MICAL2: variants seen among roughly 807,000 people sequenced by gnomAD.
The protein encoded by MICAL2 is [F-actin]-monooxygenase MICAL2.
MICAL2 carries 77 observed loss-of-function variants against 127.3 expected under a neutral mutation model. The observed-to-expected ratio is 0.60, with a 90% confidence interval of 0.50 to 0.73. The LOEUF is 0.73. MICAL2 is among the 30% of genes least tolerant of loss of function. MICAL2 has a pLI of 0.00. For missense variants in MICAL2, 1,351 were observed against 1,434.4 expected (o/e 0.94, Z 0.94); for synonymous variants, 570 against 551.1 (o/e 1.03, Z -0.48).
intron 33 of MICAL2, among the ~76,000 whole-genome samples, chr11:12,354,510 C>A (rs1168007054): frequency 6.6e-6 from 1 of 150,602 alleles, no homozygotes; most frequent in African/African-American, 2.4e-5. Flanking sequence ...TGGTGGTGCA[C>A]GCCTGTAATC....
chr11:12,269,767 G>A (rs1490069710), intron 24 of MICAL2, among the ~76,000 whole-genome samples: 2 of 152,204 alleles, frequency 1.3e-5, no homozygotes, highest in Non-Finnish European at 2.9e-5. Context: ...TACTGCTAGG[G>A]CCAGCCAGGG....
downstream of MICAL2, among the ~76,000 whole-genome samples, chr11:12,289,940 T>C (rs1187434260): frequency 6.6e-6 from 1 of 152,168 alleles, no homozygotes; most frequent in African/African-American, 2.4e-5. Flanking sequence ...CAGCCCACTT[T>C]TTGGATGAGG....
At chr11:12,261,411 T>A (rs1030597396) in intron 26 of MICAL2, 1 of 985,356 alleles carries the variant, frequency 1.0e-6, no homozygotes, top group African/African-American at 1.7e-5. Context: ...AGCATGCAGG[T>A]CCACCTGTGT....
At chr11:12,205,710 C>A (rs1854593770) in intron 4 of MICAL2, among the ~76,000 whole-genome samples, 1 of 152,182 alleles carries the variant, frequency 6.6e-6, no homozygotes, top group Non-Finnish European at 1.5e-5. Context: ...TTTCTGTCTC[C>A]TAGAATTGCT....
chr11:12,305,659 T>G (rs891339666), intron 29 of MICAL2, among the ~76,000 whole-genome samples: 7 of 152,238 alleles, frequency 4.6e-5, no homozygotes, highest in Non-Finnish European at 4.4e-5. Context: ...TGTAGTGTAC[T>G]CACCTATTTT....
chr11:12,230,040 G>T (rs556137480), intron 15 of MICAL2, among the ~76,000 whole-genome samples: 1 of 152,150 alleles, frequency 6.6e-6, no homozygotes, highest in Non-Finnish European at 1.5e-5. Context: ...AGGTTGTTTC[G>T]TAAGGCTACT....
intron 2 of MICAL2, among the ~76,000 whole-genome samples, chr11:12,149,840 G>A (rs1400306898): frequency 1.3e-5 from 2 of 152,196 alleles, no homozygotes; most frequent in African/African-American, 4.8e-5. Flanking sequence ...AGCCTGGGGA[G>A]TCATGAGGAC....
At chr11:12,111,046 A>G (rs1849565365) in intron 1 of MICAL2, among the ~76,000 whole-genome samples, 1 of 152,180 alleles carries the variant, frequency 6.6e-6, no homozygotes, top group African/African-American at 2.4e-5. Context: ...CGCAAGCGCC[A>G]AAACGGGGTG....
intron 3 of MICAL2, among the ~76,000 whole-genome samples, chr11:12,178,863 A>T (rs6485549): frequency 0.84 from 128,242 of 151,866 alleles, 54,715 homozygotes; most frequent in Non-Finnish European, 0.92. Flanking sequence ...CTGGGACTCC[A>T]GGCCCATCTC....
At chr11:12,138,824 C>T (rs147071792) in intron 2 of MICAL2, among the ~76,000 whole-genome samples, 142 of 152,296 alleles carry the variant, frequency 9.3e-4, no homozygotes, top group Middle Eastern at 3.4e-3. Flanking sequence ...GGAGTCTCAT[C>T]CCTGAGGTTT....
intron 22 of MICAL2, chr11:12,254,911 C>CTTTTTTTTTTTTTTTTTTTTTTTTTAT (rs56183672): frequency 1.6e-5 from 1 of 63,134 alleles, no homozygotes; most frequent in Non-Finnish European, 3.1e-5. Context: ...ACCACCTTAA[C>CTTTTTTTTTTTTTTTTTTTTTTTTTAT]TTTTTTTTTT....
At chr11:12,319,749 T>C in exon 30 of MICAL2, 1 of 1,614,174 alleles carries the variant, frequency 6.2e-7, no homozygotes, top group Non-Finnish European at 8.5e-7. Context: ...CTCTTCTGCC[T>C]CTTCAACCTC....
chr11:12,320,985 C>A (rs2134841043), intron 30 of MICAL2, among the ~76,000 whole-genome samples: 2 of 152,244 alleles, frequency 1.3e-5, no homozygotes, highest in South Asian at 2.1e-4. Context: ...CCCTCTCATC[C>A]CCTTGAATGA....
chr11:12,160,804 G>A (rs776203944), intron 2 of MICAL2, among the ~76,000 whole-genome samples: 7 of 152,224 alleles, frequency 4.6e-5, no homozygotes, highest in East Asian at 1.9e-4. Context: ...CTGAGCCTAC[G>A]TATTCCCGGC....
intron 2 of MICAL2, among the ~76,000 whole-genome samples, chr11:12,142,733 G>C (rs1852470895): frequency 1.3e-5 from 2 of 152,240 alleles, no homozygotes; most frequent in Non-Finnish European, 2.9e-5. Flanking sequence ...AGCTCTCTGA[G>C]AGATAGGCAT....
At chr11:12,334,532 T>C (rs982538442) in intron 32 of MICAL2, among the ~76,000 whole-genome samples, 6 of 151,826 alleles carry the variant, frequency 4.0e-5, no homozygotes, top group Non-Finnish European at 7.4e-5. Context: ...ACATGTGCCA[T>C]GTTGGTGTGC....
At chr11:12,191,808 T>C (rs989772180) in intron 3 of MICAL2, among the ~76,000 whole-genome samples, 1 of 151,956 alleles carries the variant, frequency 6.6e-6, no homozygotes, top group Non-Finnish European at 1.5e-5. Context: ...TGGGTTATGA[T>C]AAGCACCATG....
intron 33 of MICAL2, among the ~76,000 whole-genome samples, chr11:12,353,985 G>A (rs969959442): frequency 2.0e-5 from 3 of 152,058 alleles, no homozygotes; most frequent in East Asian, 1.9e-4. Context: ...TGCTTCTCCC[G>A]GGCCTATGCT....
chr11:12,239,074 A>G (rs551337018), intron 16 of MICAL2, among the ~76,000 whole-genome samples: 23 of 152,156 alleles, frequency 1.5e-4, no homozygotes, highest in Non-Finnish European at 2.9e-4. Context: ...TCAACACTTC[A>G]TGATTATACT....
Sources: allele counts gnomAD v4.1 joint callset (sites outside exome capture counted in the v4.1 genomes callset), GRCh38; gene constraint gnomAD v4.1.1; transcripts MANE v1.5; gene names NCBI Gene and HGNC (gene_info 2026-07-23, HGNC 2026-07-21).